The following DAB2IP variants were observed in gnomAD, a reference collection of about 807,000 sequenced individuals.
DAB2IP encodes the protein disabled homolog 2-interacting protein.
Under a neutral mutation model 107.2 loss-of-function variants are expected in DAB2IP, and 28 were observed. The ratio of observed to expected loss-of-function variants is 0.26; its 90% CI spans 0.19 to 0.36. The LOEUF (loss-of-function observed/expected upper bound fraction) is 0.36, where lower values mean the gene tolerates loss of function less well. Ranked by LOEUF, DAB2IP falls within the 10% of genes least tolerant of loss-of-function variation. The pLI is 1.00. For synonymous variants in DAB2IP, 755 were observed against 706.4 expected (o/e 1.07, Z -1.09); for missense variants, 1,400 against 1,644.7 (o/e 0.85, Z 2.57).
rs1834287924 is a variant in DAB2IP at position 121,766,461 on chromosome 9, C to T, written c.1461-33C>T. 1.9e-6 allele frequency: 3 copies of T among 1,588,262 alleles called. No homozygotes were observed. In the South Asian group the frequency reaches 3.3e-5, roughly 18 times the overall value. On this transcript the variant is annotated intron_variant, in intron 8 of 15. Transcript: ENST00000408936. ...ACTCCTGTCCTGGGCCCCTGCCTGA[C>T]AGCCAAGCCCACCTTTGTCTGTCCC... is the stretch of plus-strand genomic sequence containing the variant.
intron 3 of DAB2IP, among the ~76,000 whole-genome samples, chr9:121,747,360 T>C (rs80089609): frequency 0.017 from 2,487 of 149,006 alleles, 38 homozygotes; most frequent in Non-Finnish European, 0.024. Context: ...TTTTTTTTTT[T>C]CCCCTGAGAC....
intron 1 of DAB2IP, among the ~76,000 whole-genome samples, chr9:121,659,287 G>T (rs895575976): frequency 1.4e-4 from 21 of 152,136 alleles, no homozygotes; most frequent in African/African-American, 3.6e-4. Flanking sequence ...GAATAAGCTT[G>T]GTTTTTCTAT....
Position 121,675,092 on chromosome 9 carries a change from G to C in DAB2IP, c.125-3586G>C, listed in dbSNP as rs187420318. 9.9e-3 allele frequency among the ~76,000 whole-genome samples: 1,503 copies of C among 152,160 alleles called. 8 individuals are homozygous for C. The highest frequency in any genetic ancestry group is 0.018 in the Non-Finnish European group (1,210 of 68,022). ...CACTGCAGGGTGCCTGGCTCTGGGT[G>C]GGGGTGGGAAACAGACAACCCATCT... On this transcript the variant is annotated intron_variant, in intron 1 of 15. Coordinates refer to ENST00000408936, the Ensembl canonical transcript of DAB2IP.
intron 3 of DAB2IP, among the ~76,000 whole-genome samples, chr9:121,744,257 C>T (rs377045611): frequency 2.1e-4 from 32 of 152,154 alleles, no homozygotes; most frequent in Admixed American, 1.3e-4. Flanking sequence ...GGGCCCAGGC[C>T]CACTGGGTGG....
chr9:121,714,478 G>C, intron 3 of DAB2IP, among the ~76,000 whole-genome samples: 1 of 152,246 alleles, frequency 6.6e-6, no homozygotes, highest in Non-Finnish European at 1.5e-5. Context: ...TATTGGCGCT[G>C]TGAGCCTCCC....
In DAB2IP at chr9:121,760,461, C is replaced by T. The variant is rs1040386709; in HGVS notation, c.1170+22C>T. On this transcript the variant is annotated intron_variant, in intron 6 of 15. Transcript: ENST00000408936. The surrounding 1 kb of genome is among the most constrained non-coding windows in gnomAD (Gnocchi z 5.9). ...GAAGGTGCGTGCAGGCCCCTCGGCT[C>T]CTGACACAGGCTGGGCGGCAGCACT... is the stretch of plus-strand genomic sequence containing the variant. 23 of 1,562,118 alleles carry T rather than the reference C, an allele frequency of 1.5e-5. No homozygotes were observed. The highest frequency in any genetic ancestry group is 2.0e-5 in the Non-Finnish European group (23 of 1,158,482).
At chr9:121,752,970 T>A (rs1833226655) in intron 3 of DAB2IP, 1 of 152,216 alleles carries the variant, frequency 6.6e-6, no homozygotes, top group Non-Finnish European at 1.5e-5. Flanking sequence ...GGGGCACATC[T>A]CTTGCCCTCC....
intron 1 of DAB2IP, among the ~76,000 whole-genome samples, chr9:121,586,154 A>G (rs2789880): frequency 0.99 from 150,080 of 152,342 alleles, 73,974 homozygotes; most frequent in East Asian, 1. Flanking sequence ...GAATTGCCCT[A>G]AAGCTGATTA....
intron 1 of DAB2IP, among the ~76,000 whole-genome samples, chr9:121,569,047 G>A (rs898406218): frequency 2.0e-4 from 30 of 152,370 alleles, no homozygotes; most frequent in African/African-American, 7.2e-4. Context: ...AGGCAGGCAT[G>A]GAGTGGAGCC....
chr9:121,644,092 G>A (rs1023821688), intron 1 of DAB2IP, among the ~76,000 whole-genome samples: 8 of 151,310 alleles, frequency 5.3e-5, no homozygotes, highest in African/African-American at 1.9e-4. Flanking sequence ...GGTCACATGA[G>A]CCCAGGCATT....
intron 6 of DAB2IP, 39 bp from the exon 7 acceptor site, chr9:121,763,466 C>T (rs763455938): frequency 3.2e-6 from 5 of 1,582,374 alleles, no homozygotes; most frequent in Non-Finnish European, 8.6e-7. Flanking sequence ...CATGCCAGGC[C>T]AGCTCAGGTC....
exon 16 of DAB2IP, chr9:121,783,201 T>C (rs1295726060): frequency 8.8e-7 from 1 of 1,137,342 alleles, no homozygotes; most frequent in East Asian, 5.3e-5. Flanking sequence ...TATTGCCAGA[T>C]AGACCCAGTG....
chr9:121,782,605 T>G lies in DAB2IP; in HGVS notation c.*107T>G, dbSNP rs1300542915. The G allele has an allele frequency of 1.0e-5, 16 of 1,525,038 alleles. No individual in the cohort carries two copies. The highest frequency in any genetic ancestry group is 1.4e-5 in the Non-Finnish European group (16 of 1,136,082). 94.5% of individuals were successfully genotyped at this position (1,525,038 alleles called of 1,614,324 possible). ...CACGGTTGCAGCCCCAGCGCGGGTGTCAGGAGGCCGAGCCTCCCCTCCCTG... is the reference window on the plus strand; with the variant it reads ...CACGGTTGCAGCCCCAGCGCGGGTGGCAGGAGGCCGAGCCTCCCCTCCCTG... On this transcript the variant is annotated 3_prime_UTR_variant, in exon 16 of 16. Coordinates refer to ENST00000408936, the Ensembl canonical transcript of DAB2IP. The surrounding 1 kb of genome is among the most constrained non-coding windows in gnomAD (Gnocchi z 6.1).
In DAB2IP at chr9:121,688,788, A is replaced by G. The variant is rs1367050318; in HGVS notation, c.228+10007A>G. On this transcript the variant is annotated intron_variant, in intron 2 of 15. Coordinates refer to ENST00000408936, the Ensembl canonical transcript of DAB2IP. ...GGCTTGCGGAATGAAGGTGCACGAG[A>G]CAGAGAGAGACAGGGAGTAAACGAA... Among the ~76,000 whole-genome samples, 3 of 152,320 alleles carry G rather than the reference A, an allele frequency of 2.0e-5. No individual in the cohort carries two copies. In the East Asian group the frequency reaches 5.8e-4, roughly 29 times the overall value.
At chr9:121,627,775 G>T (rs1007140847) in intron 1 of DAB2IP, among the ~76,000 whole-genome samples, 8 of 152,232 alleles carry the variant, frequency 5.3e-5, no homozygotes, top group East Asian at 1.9e-4. Context: ...AGAATAATAT[G>T]ATTCTGTTTA....
intron 1 of DAB2IP, among the ~76,000 whole-genome samples, chr9:121,641,907 T>C (rs1254597433): frequency 1.7e-5 from 2 of 119,788 alleles, no homozygotes; most frequent in African/African-American, 8.0e-5. Flanking sequence ...CTTTCTTTCT[T>C]TCTTTCTTTC....
intron 6 of DAB2IP, among the ~76,000 whole-genome samples, chr9:121,762,157 G>A (rs1833940777): frequency 6.6e-6 from 1 of 152,212 alleles, no homozygotes. Flanking sequence ...CACGGCTAGA[G>A]GAGTAACGGA....
At chr9:121,650,517 C>T (rs1277740109), upstream of DAB2IP, among the ~76,000 whole-genome samples, 2 of 152,170 alleles carry the variant, frequency 1.3e-5, no homozygotes, top group African/African-American at 4.8e-5. Context: ...TGACTCACAC[C>T]CCCCACCCCT....
At chr9:121,668,849 A>G (rs909097500) in intron 1 of DAB2IP, among the ~76,000 whole-genome samples, 1 of 151,720 alleles carries the variant, frequency 6.6e-6, no homozygotes, top group African/African-American at 2.4e-5. Context: ...GTAAAACATC[A>G]TATTAATCAC....
Sources: allele counts gnomAD v4.1 joint callset (sites outside exome capture counted in the v4.1 genomes callset), GRCh38; gene constraint gnomAD v4.1.1; non-coding constraint Gnocchi (gnomAD v3.1); transcripts MANE v1.5; gene names NCBI Gene and HGNC (gene_info 2026-07-23, HGNC 2026-07-21).